Variants in BACH2 observed in about 807,000 individuals in gnomAD.
The protein encoded by BACH2 is BACH transcriptional regulator 2.
A neutral mutation model predicts 61.8 loss-of-function variants in BACH2; 5 were observed. That is an observed-to-expected ratio of 0.08 (90% CI 0.04 to 0.17). BACH2 has a LOEUF of 0.17. Among genes scored for constraint, BACH2 ranks in the 10% least tolerant of loss-of-function variants. The pLI, the probability that BACH2 is intolerant of heterozygous loss-of-function variation, is 1.00. For synonymous variants in BACH2, 446 were observed against 440.1 expected, an observed-to-expected ratio of 1.01 and a Z score of -0.17; for missense variants, 824 against 1,091.1, an observed-to-expected ratio of 0.76 and a Z score of 3.45.
chr6:89,937,523 A>T (rs1473042483), intron 8 of BACH2, among the ~76,000 whole-genome samples: 1 of 152,174 alleles, frequency 6.6e-6, no homozygotes, highest in Non-Finnish European at 1.5e-5. Context: ...CATAATCAAC[A>T]TCAGTTATTT....
intron 5 of BACH2, among the ~76,000 whole-genome samples, chr6:90,015,335 T>C (rs1479783331): frequency 1.3e-5 from 2 of 152,174 alleles, no homozygotes. Flanking sequence ...AATTGGGTCT[T>C]TTTTTCTTTT....
intron 6 of BACH2, among the ~76,000 whole-genome samples, chr6:89,979,490 C>T (rs144497345): frequency 6.6e-5 from 10 of 152,322 alleles, no homozygotes; most frequent in African/African-American, 2.4e-4. Context: ...GAAGGTACTA[C>T]AGACATACAG....
chr6:90,055,464 G>A (rs1419518155), intron 5 of BACH2, among the ~76,000 whole-genome samples: 2 of 152,136 alleles, frequency 1.3e-5, no homozygotes, highest in Non-Finnish European at 2.9e-5. Context: ...CAAGAAATAT[G>A]GGACTATGTG....
intron 1 of BACH2, among the ~76,000 whole-genome samples, chr6:90,279,350 C>T (rs1227648081): frequency 6.6e-6 from 1 of 151,896 alleles, no homozygotes; most frequent in Non-Finnish European, 1.5e-5. Context: ...TAGGGAAACC[C>T]CGTCTCTACT....
intron 3 of BACH2, among the ~76,000 whole-genome samples, chr6:90,232,369 T>C (rs555993515): frequency 1.3e-5 from 2 of 152,346 alleles, no homozygotes; most frequent in East Asian, 3.9e-4. Flanking sequence ...AAATTCCCTT[T>C]AGCTGACAAA....
Position 89,992,066 on chromosome 6 carries a change from C to T in BACH2, c.243+16536G>A, listed in dbSNP as rs528658159. Among the ~76,000 whole-genome samples, 186 of 152,244 alleles carry T rather than the reference C, an allele frequency of 1.2e-3. 1 individual carries two copies. Among genetic ancestry groups the T allele is most frequent in the Middle Eastern group, 3.4e-3 (1 of 294 alleles). On this transcript the variant is annotated intron_variant, in intron 6 of 8. Transcript: ENST00000257749. ...AATTGGTTCAAAAGTCAATACTGAACAAAAAGATACAGAGTCTCACTCCTA... is the reference window on the plus strand; with the variant it reads ...AATTGGTTCAAAAGTCAATACTGAATAAAAAGATACAGAGTCTCACTCCTA...
intron 4 of BACH2, among the ~76,000 whole-genome samples, chr6:90,113,854 C>T (rs564233765): frequency 9.9e-5 from 15 of 151,916 alleles, no homozygotes; most frequent in Admixed American, 9.8e-4. Flanking sequence ...ACTGACCACA[C>T]AGAAATAAAA....
chr6:90,160,479 GA>G (rs1785154176), intron 4 of BACH2, among the ~76,000 whole-genome samples: 1 of 152,184 alleles, frequency 6.6e-6, no homozygotes, highest in Non-Finnish European at 1.5e-5. Context: ...TGTTTTCTGT[GA>G]ATTCTTTTAA....
intron 6 of BACH2, among the ~76,000 whole-genome samples, chr6:89,986,102 C>A (rs181633047): frequency 6.6e-6 from 1 of 152,198 alleles, no homozygotes; most frequent in African/African-American, 2.4e-5. Flanking sequence ...CTGATAGTGG[C>A]GGCGGCGAAC....
At chr6:90,282,134 C>A (rs1458528080) in intron 1 of BACH2, among the ~76,000 whole-genome samples, 1 of 152,128 alleles carries the variant, frequency 6.6e-6, no homozygotes, top group African/African-American at 2.4e-5. Context: ...CTCTTATGAA[C>A]AATGCTTCTT....
At chr6:90,011,181 C>A (rs1323217918) in intron 5 of BACH2, among the ~76,000 whole-genome samples, 2 of 152,058 alleles carry the variant, frequency 1.3e-5, no homozygotes, top group Non-Finnish European at 2.9e-5. Flanking sequence ...ATTTTTTTAG[C>A]CCTTACATTT....
Position 89,951,214 on chromosome 6 carries a change from G to A in BACH2, c.892C>T (p.Pro298Ser). The change falls in exon 7 of 9, where the codon CCT (proline) becomes TCT (serine). Residue 298 changes from proline (P) to serine (S), a missense_variant. Physicochemically the swap from Pro to Ser is moderately conservative, Grantham distance 74. Transcript: ENST00000257749. This position sits in a 1 kb window ranked among gnomAD's most constrained non-coding sequence, Gnocchi z 6.4. ...TCCCCCGCTCTGTCCTTGGCGTCAG[G>A]CTCATCTCCAGACAGGCAGAGCGTG... ...SITLCLSGDEPDAKDRAGDVE... is the reference protein window; with the variant it reads ...SITLCLSGDESDAKDRAGDVE... 6.2e-7 allele frequency: 1 copy of A among 1,614,014 alleles called. No individual in the cohort carries two copies. Among genetic ancestry groups the A allele is most frequent in the Non-Finnish European group, 8.5e-7 (1 of 1,180,024 alleles).
intron 6 of BACH2, among the ~76,000 whole-genome samples, chr6:89,996,397 T>C (rs1776850480): frequency 6.6e-6 from 1 of 152,248 alleles, no homozygotes; most frequent in African/African-American, 2.4e-5. Context: ...CTGTTTTTTA[T>C]TATGTCACTT....
At chr6:90,200,078 C>G (rs1015697562) in intron 4 of BACH2, among the ~76,000 whole-genome samples, 1 of 152,160 alleles carries the variant, frequency 6.6e-6, no homozygotes, top group African/African-American at 2.4e-5. Flanking sequence ...AGTTTTGCAA[C>G]ATGAAGACAC....
chr6:89,948,226 A>T (rs1773862906), intron 7 of BACH2, among the ~76,000 whole-genome samples: 1 of 151,742 alleles, frequency 6.6e-6, no homozygotes, highest in South Asian at 2.1e-4. Context: ...TTTTTTTTTG[A>T]GACAGGGTCT....
intron 6 of BACH2, chr6:90,001,206 T>C (rs1777115631): frequency 6.6e-6 from 1 of 152,290 alleles, no homozygotes; most frequent in Non-Finnish European, 1.5e-5. Context: ...TTTTGGAACT[T>C]TCCCTTCAGC....
rs151085429 is a variant in BACH2 at position 90,144,464 on chromosome 6, T to A, written c.-161-55355A>T. 1.1e-3 allele frequency among the ~76,000 whole-genome samples: 162 copies of A among 152,214 alleles called. 2 individuals are homozygous for A. In the East Asian group the frequency reaches 0.017, roughly 16 times the overall value. Reference sequence around the variant, plus strand: ...GACAGAGCATTATCCCTGAGGCCAGTAAGGCACTGGCAGAGCTGCCATGGG... The same window carrying A: ...GACAGAGCATTATCCCTGAGGCCAGAAAGGCACTGGCAGAGCTGCCATGGG... On this transcript the variant is annotated intron_variant, in intron 4 of 8. Coordinates refer to ENST00000257749, the MANE Select transcript of BACH2 (RefSeq NM_021813.4).
At chr6:90,019,189 A>G (rs1401015171) in intron 5 of BACH2, among the ~76,000 whole-genome samples, 3 of 152,216 alleles carry the variant, frequency 2.0e-5, no homozygotes, top group African/African-American at 7.2e-5. Context: ...TAGGTCACGG[A>G]TGGTGTGTTC....
At chr6:90,175,654 T>C (rs1767960774) in intron 4 of BACH2, among the ~76,000 whole-genome samples, 2 of 152,148 alleles carry the variant, frequency 1.3e-5, no homozygotes, top group South Asian at 4.1e-4. Flanking sequence ...TGACTAAGAA[T>C]AGAAGGTATC....
Sources: allele counts gnomAD v4.1 joint callset (sites outside exome capture counted in the v4.1 genomes callset), GRCh38; gene constraint gnomAD v4.1.1; non-coding constraint Gnocchi (gnomAD v3.1); transcripts MANE v1.5; gene names NCBI Gene and HGNC (gene_info 2026-07-23, HGNC 2026-07-21).